The following FAT4 variants were observed in gnomAD, a reference collection of about 807,000 sequenced individuals.
The protein encoded by FAT4 is FAT atypical cadherin 4, also known as protocadherin Fat 4.
FAT4 carries 84 observed loss-of-function variants against 303.9 expected under a neutral mutation model. The observed-to-expected ratio is 0.28, with a 90% CI of 0.23 to 0.33. The LOEUF (loss-of-function observed/expected upper bound fraction) is 0.33. Ranked by LOEUF, FAT4 falls within the 10% of genes least tolerant of loss-of-function variation. The probability of loss-of-function intolerance (pLI) is 1.00; values close to 1 mark genes in which losing one functional copy is unlikely to be tolerated. For synonymous variants in FAT4, 2,307 were observed against 2,298.8 expected (o/e 1.00, Z -0.10); for missense variants, 6,005 against 6,146.8 (o/e 0.98, Z 0.77).
rs1726561734 is a variant in FAT4, at chr4:125,463,713, C to A, written c.11905+46C>A. The A allele has an allele frequency of 2.2e-6, 3 of 1,337,426 alleles. No individual in the cohort carries two copies. The African/African-American group carries it at 4.4e-5, about 20-fold the overall frequency. 82.8% of individuals were successfully genotyped at this position (1,337,426 alleles called of 1,614,324 possible). A position where few individuals can be genotyped will look rare whatever the true frequency, so the allele number is the denominator to read the frequency against. On this transcript the variant is annotated intron_variant, in intron 11 of 17. Transcript: ENST00000394329. ...GATATAAAATATAAGTTTATTTTTG[C>A]ACACAGTTTAGCAATTTTGTTTTAT...
intron 10 of FAT4, among the ~76,000 whole-genome samples, chr4:125,459,465 C>T (rs757766760): frequency 1.0e-3 from 154 of 152,022 alleles, no homozygotes; most frequent in Non-Finnish European, 1.8e-3. Flanking sequence ...TCCTATTATG[C>T]ATTTATTTTC....
Position 125,317,004 on chromosome 4 carries a change from C to A in FAT4, c.593C>A (p.Ala198Glu). Residue 198 changes from alanine to glutamate, a missense_variant, in exon 2 of 18, where the codon GCG becomes GAG. Physicochemically the swap from Ala to Glu is moderately radical, Grantham distance 107. Transcript: ENST00000394329. This position sits in a 1 kb window ranked among gnomAD's most constrained non-coding sequence, Gnocchi z 7.0. ...DITLNPSGEG[A>E]FLHLVSKGGL... ...ACCCTGAACCCGAGCGGCGAGGGAGCGTTCCTGCATCTGGTGTCCAAGGGC... is the reference window on the plus strand; with the variant it reads ...ACCCTGAACCCGAGCGGCGAGGGAGAGTTCCTGCATCTGGTGTCCAAGGGC... The A allele has an allele frequency of 6.2e-7, 1 of 1,614,038 alleles. No individual in the cohort carries two copies. The highest frequency in any genetic ancestry group is 1.1e-5 in the South Asian group (1 of 91,088).
Position 125,415,749 on chromosome 4 carries a change from T to A in FAT4, c.6786T>A (p.Ser2262=), listed in dbSNP as rs1560808968. The A allele has an allele frequency of 1.2e-6, 2 of 1,613,822 alleles. No individual in the cohort carries two copies. The highest frequency in any genetic ancestry group is 4.5e-5 in the East Asian group (2 of 44,852). The change falls in exon 6 of 18, where the codon TCT becomes TCA. Residue 2262 remains serine (S), a synonymous_variant. Coordinates refer to ENST00000394329, the MANE Select transcript of FAT4 (RefSeq NM_001291303.3). ...INDFVPVFEL[S]PYSVNVPENL... ...ACTTTGTTCCTGTATTTGAGCTATCTCCATATTCTGTAAATGTCCCTGAGA... is the reference window on the plus strand; with the variant it reads ...ACTTTGTTCCTGTATTTGAGCTATCACCATATTCTGTAAATGTCCCTGAGA...
At chr4:125,329,074 T>A (rs1206375425) in intron 2 of FAT4, among the ~76,000 whole-genome samples, 2 of 152,238 alleles carry the variant, frequency 1.3e-5, no homozygotes, top group African/African-American at 4.8e-5. Flanking sequence ...ACCTTTATAA[T>A]CTTTATTAAC....
At chr4:125,397,940 G>A (rs1278574299) in intron 2 of FAT4, among the ~76,000 whole-genome samples, 1 of 152,068 alleles carries the variant, frequency 6.6e-6, no homozygotes, top group Admixed American at 6.6e-5. Flanking sequence ...TAATTAAATG[G>A]ATGACTTAAT....
intron 2 of FAT4, among the ~76,000 whole-genome samples, chr4:125,341,313 GT>G (rs908654140): frequency 2.0e-5 from 3 of 152,088 alleles, no homozygotes; most frequent in Non-Finnish European, 2.9e-5. Flanking sequence ...TGTATGAGGT[GT>G]TTTTAAAAGA....
chr4:125,318,783 C>A lies in FAT4; in HGVS notation c.2372C>A (p.Pro791His), dbSNP rs531595537. 9 of 1,614,166 alleles carry A rather than the reference C, an allele frequency of 5.6e-6. No homozygotes were observed. In the East Asian group the frequency reaches 1.3e-4, roughly 24 times the overall value. Residue 791 changes from proline (P) to histidine (H), a missense_variant, in exon 2 of 18, where the codon CCT (proline) becomes CAT (histidine). Pro to His is a moderately conservative substitution (Grantham distance 77). Coordinates refer to ENST00000394329, the MANE Select transcript of FAT4 (RefSeq NM_001291303.3). ...GTATTGGACACTCAAGACAACCCAC[C>A]TGTATTCAGTCAGGTTGCCTACAGC... Reference protein sequence around the residue: ...ITVLDTQDNPPVFSQVAYSFV... With the variant: ...ITVLDTQDNPHVFSQVAYSFV...
At chr4:125,398,394 A>G (rs1734260878) in intron 2 of FAT4, among the ~76,000 whole-genome samples, 1 of 152,174 alleles carries the variant, frequency 6.6e-6, no homozygotes, top group South Asian at 2.1e-4. Context: ...CATTTCAGCA[A>G]GAAATTTTAT....
At chr4:125,374,049 G>C (rs932444782) in intron 2 of FAT4, among the ~76,000 whole-genome samples, 8 of 152,138 alleles carry the variant, frequency 5.3e-5, no homozygotes, top group African/African-American at 1.7e-4. Context: ...TACTAACCTT[G>C]AAATCAGATA....
chr4:125,448,704 A>G lies in FAT4; in HGVS notation c.7694A>G (p.Asp2565Gly). 1.2e-6 allele frequency: 2 copies of G among 1,613,902 alleles called. No individual in the cohort carries two copies. The highest frequency in any genetic ancestry group is 1.7e-6 in the Non-Finnish European group (2 of 1,179,894). ...ACTGTTAGATTCGTGAATAAGGCCGATTTCCCTAAAGTGAGAGCCAAAGAA... is the reference window on the plus strand; with the variant it reads ...ACTGTTAGATTCGTGAATAAGGCCGGTTTCCCTAAAGTGAGAGCCAAAGAA... Reference protein sequence around the residue: ...TVTVRFVNKADFPKVRAKEQT... With the variant: ...TVTVRFVNKAGFPKVRAKEQT... Residue 2565 changes from aspartate (D) to glycine (G), a missense_variant, in exon 10 of 18, where the codon GAT becomes GGT. By Grantham distance (94) the Asp-to-Gly change is moderately conservative (BLOSUM62 -1). Transcript: ENST00000394329.
At position 125,451,218 on chromosome 4, in the gene FAT4, C is replaced by G; in HGVS notation, c.10208C>G (p.Pro3403Arg). Reference protein sequence around the residue: ...VNVTVLDANDPPIFTLNIYSV... With the variant: ...VNVTVLDANDRPIFTLNIYSV... ...GTCACCGTGCTTGATGCAAATGACC[C>G]ACCCATTTTTACTCTAAACATCTAC... is the stretch of plus-strand genomic sequence containing the variant. The change falls in exon 10 of 18, where the codon CCA becomes CGA. Residue 3403 changes from proline to arginine, a missense_variant. Transcript: ENST00000394329. 3 of 1,614,060 alleles carry G rather than the reference C, an allele frequency of 1.9e-6. No individual in the cohort carries two copies. The highest frequency in any genetic ancestry group is 2.5e-6 in the Non-Finnish European group (3 of 1,180,018).
At chr4:125,331,999 G>T (rs1731404184) in intron 2 of FAT4, among the ~76,000 whole-genome samples, 1 of 152,100 alleles carries the variant, frequency 6.6e-6, no homozygotes. Context: ...AAATGGTAAG[G>T]ATAGCCTACT....
Position 125,318,905 on chromosome 4 carries a change from A to G in FAT4, c.2494A>G (p.Thr832Ala), listed in dbSNP as rs1434163733. Residue 832 changes from threonine to alanine, a missense_variant, in exon 2 of 18, where the codon ACT becomes GCT. By Grantham distance (58) the Thr-to-Ala change is moderately conservative (BLOSUM62 0). Transcript: ENST00000394329. ...LNSNISYLIT[T>A]GDQKGMFAIN... is the part of the protein sequence containing the mutation. ...TTCCAACATCAGTTATCTCATTACT[A>G]CTGGGGATCAGAAAGGTATGTTTGC... 4.3e-6 allele frequency: 7 copies of G among 1,614,154 alleles called. No homozygotes were observed. Among genetic ancestry groups the G allele is most frequent in the East Asian group, 4.5e-5 (2 of 44,882 alleles).
At position 125,415,386 on chromosome 4, in the gene FAT4, A is replaced by G. The variant is rs767873268; in HGVS notation, c.6423A>G (p.Val2141=). ...QPSLSSSTEV[V]VMVLDINDNN... ...CTCTCTCTTCATCTACAGAGGTTGT[A>G]GTTATGGTACTTGACATCAATGATA... Residue 2141 remains valine (V), a synonymous_variant, in exon 6 of 18, where the codon GTA becomes GTG. Transcript: ENST00000394329. The G allele has an allele frequency of 2.5e-6, 4 of 1,613,948 alleles. No homozygotes were observed. Among genetic ancestry groups the G allele is most frequent in the Middle Eastern group, 1.6e-4 (1 of 6,084 alleles).
intron 8 of FAT4, 46 bp downstream of exon 8, chr4:125,434,471 CATT>C (rs781117191): frequency 6.4e-7 from 1 of 1,555,552 alleles, no homozygotes; most frequent in South Asian, 1.1e-5. Context: ...TCTCATTAAA[CATT>C]AGTTTTTGAA....
chr4:125,467,513 A>G (rs1726707842), intron 11 of FAT4, among the ~76,000 whole-genome samples: 1 of 152,248 alleles, frequency 6.6e-6, no homozygotes, highest in East Asian at 1.9e-4. Context: ...ACATTGTAAC[A>G]TCAATAAAAC....
At position 125,395,430 on chromosome 4, in the gene FAT4, C is replaced by T. The variant is rs533455117; in HGVS notation, c.5176-3354C>T. On this transcript the variant is annotated intron_variant, in intron 2 of 17. Coordinates refer to ENST00000394329, the MANE Select transcript of FAT4 (RefSeq NM_001291303.3). The stretch of plus-strand genomic sequence containing the variant: ...GTTCAAGCGATTCTCCTGTCTCAGC[C>T]TCCTGAGTAGCTGGGATTACAGGTG... Among the ~76,000 whole-genome samples, 112 of 152,140 alleles carry T rather than the reference C, an allele frequency of 7.4e-4. 2 individuals carry two copies. The highest frequency in any genetic ancestry group is 1.0e-4 in the Non-Finnish European group (7 of 67,992).
intron 12 of FAT4, among the ~76,000 whole-genome samples, chr4:125,472,718 T>C (rs567235878): frequency 6.6e-6 from 1 of 152,322 alleles, no homozygotes; most frequent in East Asian, 1.9e-4. Context: ...TTAAGCAAGT[T>C]TTAAAATACA....
At chr4:125,489,804 G>A (rs1727540296) in intron 17 of FAT4, 97 bp from the exon 18 acceptor site, 1 of 977,646 alleles carries the variant, frequency 1.0e-6, no homozygotes, top group Non-Finnish European at 1.5e-6. Context: ...TGAGGTGATT[G>A]TGGAGCTTCT....
Sources: allele counts gnomAD v4.1 joint callset (sites outside exome capture counted in the v4.1 genomes callset), GRCh38; gene constraint gnomAD v4.1.1; non-coding constraint Gnocchi (gnomAD v3.1); transcripts MANE v1.5; gene names NCBI Gene and HGNC (gene_info 2026-07-23, HGNC 2026-07-21).